SPOCK3: variants seen among roughly 807,000 people sequenced by gnomAD.
The protein encoded by SPOCK3 is SPARC (osteonectin), cwcv and kazal like domains proteoglycan 3.
Under a neutral mutation model 56.6 loss-of-function variants are expected in SPOCK3, and 30 were observed. The ratio of observed to expected loss-of-function variants is 0.53; its 90% CI spans 0.40 to 0.72. SPOCK3 has a LOEUF of 0.72. SPOCK3 is among the 30% of genes least tolerant of loss of function. The pLI, the probability that SPOCK3 is intolerant of heterozygous loss-of-function variation, is 0.00. For missense variants in SPOCK3, 527 were observed against 530.0 expected (o/e 0.99, Z 0.06); for synonymous variants, 196 against 183.3 (o/e 1.07, Z -0.56).
intron 3 of SPOCK3, among the ~76,000 whole-genome samples, chr4:167,056,506 CA>C (rs1295242871): frequency 2.0e-5 from 3 of 152,056 alleles, no homozygotes; most frequent in African/African-American, 7.2e-5. Context: ...GGAGGACATT[CA>C]AACCAAAGGC....
chr4:167,180,244 G>A (rs1265472354), intron 2 of SPOCK3, among the ~76,000 whole-genome samples: 2 of 152,186 alleles, frequency 1.3e-5, no homozygotes, highest in Non-Finnish European at 2.9e-5. Context: ...GAATGCTTCT[G>A]ACATAGACAT....
chr4:166,932,349 C>T (rs1291901367), intron 4 of SPOCK3, among the ~76,000 whole-genome samples: 1 of 152,112 alleles, frequency 6.6e-6, no homozygotes, highest in Non-Finnish European at 1.5e-5. Flanking sequence ...TTACCAAAAG[C>T]CTTTTTCCTA....
intron 2 of SPOCK3, among the ~76,000 whole-genome samples, chr4:167,195,037 G>T (rs1732811311): frequency 6.6e-6 from 1 of 152,172 alleles, no homozygotes; most frequent in South Asian, 2.1e-4. Context: ...CCTACCTCTA[G>T]TGACATGGAT....
At chr4:167,154,834 G>A (rs771611740) in intron 2 of SPOCK3, among the ~76,000 whole-genome samples, 23 of 151,972 alleles carry the variant, frequency 1.5e-4, no homozygotes, top group Admixed American at 2.0e-4. Context: ...CTCCAAAATC[G>A]GATCACAGGA....
chr4:167,203,556 TA>T (rs113951203), intron 2 of SPOCK3, among the ~76,000 whole-genome samples: 261 of 142,560 alleles, frequency 1.8e-3, no homozygotes, highest in Middle Eastern at 3.7e-3. Flanking sequence ...TCTATCTGAT[TA>T]AAAAAAAAAA....
intron 6 of SPOCK3, among the ~76,000 whole-genome samples, chr4:166,806,925 T>G (rs982737030): frequency 6.6e-6 from 1 of 151,940 alleles, no homozygotes; most frequent in Non-Finnish European, 1.5e-5. Context: ...CTTTAATTTA[T>G]AAATTAGGCA....
At chr4:166,890,540 G>A (rs1043923611) in intron 5 of SPOCK3, among the ~76,000 whole-genome samples, 2 of 151,818 alleles carry the variant, frequency 1.3e-5, no homozygotes, top group Non-Finnish European at 2.9e-5. Flanking sequence ...TCTTAGTTTA[G>A]TTTTACTTAT....
intron 6 of SPOCK3, among the ~76,000 whole-genome samples, chr4:166,866,209 G>T (rs913096705): frequency 2.0e-5 from 3 of 152,104 alleles, no homozygotes; most frequent in African/African-American, 7.2e-5. Flanking sequence ...AAATGGTGCT[G>T]GGAAAACTGG....
At chr4:166,815,131 A>C (rs961730119) in intron 6 of SPOCK3, among the ~76,000 whole-genome samples, 1 of 152,114 alleles carries the variant, frequency 6.6e-6, no homozygotes, top group Non-Finnish European at 1.5e-5. Flanking sequence ...GAGTATGGAA[A>C]GGCTTAATTT....
chr4:167,116,565 C>A (rs1458460515), intron 2 of SPOCK3, among the ~76,000 whole-genome samples: 9 of 93,048 alleles, frequency 9.7e-5, no homozygotes, highest in African/African-American at 4.5e-4. Context: ...AGTATATATA[C>A]TTTTATACAT....
chr4:166,939,962 T>C (rs1357066159), intron 4 of SPOCK3, among the ~76,000 whole-genome samples: 1 of 152,200 alleles, frequency 6.6e-6, no homozygotes, highest in East Asian at 1.9e-4. Flanking sequence ...CCAGGTTTTA[T>C]TTGGCAATAA....
intron 3 of SPOCK3, among the ~76,000 whole-genome samples, chr4:167,019,355 G>T (rs1382715038): frequency 1.3e-5 from 2 of 151,598 alleles, no homozygotes; most frequent in Non-Finnish European, 2.9e-5. Flanking sequence ...TTAGGGTTGT[G>T]GTAAAATGAT....
At chr4:167,180,352 T>C (rs1331254827) in intron 2 of SPOCK3, among the ~76,000 whole-genome samples, 1 of 152,036 alleles carries the variant, frequency 6.6e-6, no homozygotes, top group Non-Finnish European at 1.5e-5. Flanking sequence ...ACCTGAACAT[T>C]GAGGAATGCC....
intron 2 of SPOCK3, among the ~76,000 whole-genome samples, chr4:167,159,132 G>A (rs748915959): frequency 6.6e-6 from 1 of 151,920 alleles, no homozygotes; most frequent in Non-Finnish European, 1.5e-5. Flanking sequence ...GAGGTAAGTT[G>A]TTTAACCTAA....
At chr4:167,109,487 TATATTTATATATTTTATATAAAATATA>T (rs1413180575) in intron 2 of SPOCK3, among the ~76,000 whole-genome samples, 1,419 of 115,332 alleles carry the variant, frequency 0.012, 30 homozygotes, top group African/African-American at 0.044. Context: ...TTATATAAAA[TATATTTATATATTTTATATAAAATATA>T]ATATTTATAT....
At chr4:167,052,660 T>A (rs1027461631) in intron 3 of SPOCK3, among the ~76,000 whole-genome samples, 1 of 152,130 alleles carries the variant, frequency 6.6e-6, no homozygotes, top group Non-Finnish European at 1.5e-5. Flanking sequence ...GTCCCTAAGC[T>A]CTTAAACAAA....
At chr4:166,818,930 C>A (rs1240744509) in intron 6 of SPOCK3, among the ~76,000 whole-genome samples, 1 of 151,926 alleles carries the variant, frequency 6.6e-6, no homozygotes, top group East Asian at 1.9e-4. Flanking sequence ...AGTCTCTAGA[C>A]TTTTTAATAA....
intron 2 of SPOCK3, among the ~76,000 whole-genome samples, chr4:167,212,337 T>C (rs1333897846): frequency 6.6e-6 from 1 of 151,812 alleles, no homozygotes; most frequent in Non-Finnish European, 1.5e-5. Flanking sequence ...CGCCTTCCAG[T>C]TGCAAGAGAA....
chr4:166,787,122 C>T (rs938655989), intron 7 of SPOCK3, among the ~76,000 whole-genome samples: 2 of 152,010 alleles, frequency 1.3e-5, no homozygotes, highest in South Asian at 2.1e-4. Flanking sequence ...TCTATTCACA[C>T]GTATTCTAAT....
Sources: gnomAD v4.1 joint callset for allele counts (sites outside exome capture counted in the v4.1 genomes callset) on GRCh38, gnomAD v4.1.1 for gene constraint, MANE v1.5 for transcripts, NCBI Gene and HGNC (gene_info 2026-07-23, HGNC 2026-07-21) for gene names.